Variants in STK33 observed in about 807,000 individuals in gnomAD.
STK33 encodes serine/threonine-protein kinase 33.
In STK33, 52 loss-of-function variants were observed where a neutral mutation model predicts 58.0. The ratio of observed to expected loss-of-function variants is 0.90; its 90% CI spans 0.72 to 1.13. The LOEUF (loss-of-function observed/expected upper bound fraction) is 1.13, where lower values mean the gene tolerates loss of function less well. STK33 is among the 50% of genes most tolerant of loss of function. STK33 has a pLI of 0.00. For synonymous variants in STK33, 215 were observed against 200.1 expected, an observed-to-expected ratio of 1.07 and a Z score of -0.63; for missense variants, 630 against 604.2, an observed-to-expected ratio of 1.04 and a Z score of -0.45.
At chr11:8,404,997 G>A (rs1438903806) in intron 15 of STK33, among the ~76,000 whole-genome samples, 1 of 152,114 alleles carries the variant, frequency 6.6e-6, no homozygotes, top group Non-Finnish European at 1.5e-5. Context: ...AAAATTAGCT[G>A]GGTGTGGTGG....
Position 8,418,073 on chromosome 11 carries a change from T to C in STK33, c.1147-4381A>G, listed in dbSNP as rs1941381192. The stretch of plus-strand genomic sequence containing the variant: ...AAATAGTTTATAGTTTGGGATATAA[T>C]GCTGGCTTTTCATTTTTTTTTTAAT... On this transcript the variant is annotated intron_variant, in intron 14 of 15. Transcript: ENST00000687296. Among the ~76,000 whole-genome samples, 5 of 151,920 alleles carry C rather than the reference T, an allele frequency of 3.3e-5. No homozygotes were observed. The South Asian group carries it at 6.3e-4, about 19-fold the overall frequency.
rs1243597085 is a variant in STK33 at position 8,461,826 on chromosome 11, T to C, written c.537A>G (p.Glu179=). Residue 179 remains glutamate (E), a synonymous_variant, in exon 8 of 16, where the codon GAA becomes GAG. Coordinates refer to ENST00000687296, the MANE Select transcript of STK33 (RefSeq NM_001352389.2). Reference sequence around the variant, plus strand: ...TTACCTTTGGCGTTTCAAATACTTGTTCCAGATGTATGATGTGTTCATGTT... The same window carrying C: ...TTACCTTTGGCGTTTCAAATACTTGCTCCAGATGTATGATGTGTTCATGTT... The part of the protein sequence containing the change: ...SVKHEHIIHL[E]QVFETPKKMY... 6.3e-7 allele frequency: 1 copy of C among 1,594,894 alleles called. No individual in the cohort carries two copies. Among genetic ancestry groups the C allele is most frequent in the Admixed American group, 1.8e-5 (1 of 55,838 alleles).
chr11:8,420,158 G>C (rs1401062374), intron 14 of STK33, among the ~76,000 whole-genome samples: 1 of 151,988 alleles, frequency 6.6e-6, no homozygotes, highest in African/African-American at 2.4e-5. Context: ...GTAAATTATA[G>C]TAAGAAAAGA....
chr11:8,345,115 C>A, the STK33 span, among the ~76,000 whole-genome samples: 1 of 152,150 alleles, frequency 6.6e-6, no homozygotes, highest in Non-Finnish European at 1.5e-5. Context: ...ATGCTTGGCC[C>A]CAGAGAAGAA....
At chr11:8,512,856 T>C (rs1952449904) in intron 1 of STK33, among the ~76,000 whole-genome samples, 1 of 152,182 alleles carries the variant, frequency 6.6e-6, no homozygotes, top group African/African-American at 2.4e-5. Context: ...CCTAGTTCCC[T>C]GCTCTTCTTT....
chr11:8,409,117 G>C (rs1464026846), intron 15 of STK33, among the ~76,000 whole-genome samples: 1 of 152,198 alleles, frequency 6.6e-6, no homozygotes, highest in Non-Finnish European at 1.5e-5. Context: ...TTGAAGGATA[G>C]CAGTTGAGGC....
intron 11 of STK33, among the ~76,000 whole-genome samples, chr11:8,447,788 A>G (rs963146046): frequency 5.9e-5 from 9 of 152,138 alleles, no homozygotes; most frequent in African/African-American, 9.6e-5. Flanking sequence ...TCTGGCCAGG[A>G]CAATCAGGCA....
chr11:8,458,413 T>A, intron 8 of STK33, among the ~76,000 whole-genome samples: 1 of 126,596 alleles, frequency 7.9e-6, no homozygotes. Context: ...ACTTAGCTTA[T>A]GGGCCATTAA....
intron 1 of STK33, among the ~76,000 whole-genome samples, chr11:8,519,003 T>C (rs1265122259): frequency 1.3e-5 from 2 of 152,210 alleles, no homozygotes; most frequent in African/African-American, 4.8e-5. Flanking sequence ...AATAGACATC[T>C]ACAGAACTCT....
At position 8,475,011 on chromosome 11, in the gene STK33, G is replaced by A. The variant is rs560854057; in HGVS notation, c.-106C>T. On this transcript the variant is annotated 5_prime_UTR_variant, in exon 5 of 16. Coordinates refer to ENST00000687296, the MANE Select transcript of STK33 (RefSeq NM_001352389.2). ...AGTTGATGGTGAAAACTGTAATTTC[G>A]AACTGGTGAAGTCCTCAGGTTAAGG... The A allele has an allele frequency of 4.9e-5, 51 of 1,049,728 alleles. No homozygotes were observed. Among genetic ancestry groups the A allele is most frequent in the Middle Eastern group, 6.2e-4 (2 of 3,204 alleles). The allele number at this position is 1,049,728 out of a possible 1,614,324, so 65.0% of individuals were successfully genotyped here.
the STK33 span, among the ~76,000 whole-genome samples, chr11:8,339,767 C>T: frequency 3.3e-5 from 5 of 152,252 alleles, no homozygotes; most frequent in East Asian, 1.9e-4. Context: ...ACTAAAGCTT[C>T]CGCAGCCACC....
intron 14 of STK33, among the ~76,000 whole-genome samples, chr11:8,422,997 T>G (rs1035886088): frequency 6.7e-6 from 1 of 150,204 alleles, no homozygotes; most frequent in East Asian, 2.0e-4. Flanking sequence ...TGGGCCACCA[T>G]GCCCGGCTGA....
intron 1 of STK33, chr11:8,555,044 T>C (rs1956636461): frequency 6.6e-6 from 1 of 152,070 alleles, no homozygotes; most frequent in East Asian, 1.9e-4. Context: ...CTGTAGGGGA[T>C]CTTTTTTCTC....
intron 14 of STK33, among the ~76,000 whole-genome samples, chr11:8,425,888 G>T (rs2136021418): frequency 6.6e-6 from 1 of 152,238 alleles, no homozygotes; most frequent in Admixed American, 6.5e-5. Flanking sequence ...CCTCTAGAGG[G>T]AGGATGCAGA....
At chr11:8,392,753 T>C (rs1204028546) in intron 15 of STK33, 43 bp from the exon 16 acceptor site, 1 of 1,597,158 alleles carries the variant, frequency 6.3e-7, no homozygotes, top group African/African-American at 1.3e-5. Flanking sequence ...CACAAAGCAA[T>C]GCACATCAAT....
intron 1 of STK33, among the ~76,000 whole-genome samples, chr11:8,552,045 G>C (rs72853484): frequency 0.011 from 1,648 of 152,276 alleles, 14 homozygotes; most frequent in Middle Eastern, 0.041. Context: ...AACCCTCCTG[G>C]TGTTCCCCAT....
intron 1 of STK33, among the ~76,000 whole-genome samples, chr11:8,545,867 T>C (rs989113177): frequency 3.3e-5 from 5 of 152,284 alleles, no homozygotes; most frequent in South Asian, 2.1e-4. Context: ...AACTGTGTCA[T>C]TGGGTAATTT....
chr11:8,466,406 C>CCAA (rs1948187357), intron 6 of STK33: 2 of 152,196 alleles, frequency 1.3e-5, no homozygotes, highest in Non-Finnish European at 2.9e-5. Flanking sequence ...AACAAAAAGG[C>CCAA]TACAGGCCCA....
At chr11:8,440,343 G>A (rs1344123933) in intron 12 of STK33, among the ~76,000 whole-genome samples, 4 of 152,124 alleles carry the variant, frequency 2.6e-5, no homozygotes, top group African/African-American at 9.7e-5. Context: ...CACCTGATAA[G>A]CTATAAGTGA....
Sources: allele counts gnomAD v4.1 joint callset (sites outside exome capture counted in the v4.1 genomes callset), GRCh38; gene constraint gnomAD v4.1.1; transcripts MANE v1.5; gene names NCBI Gene and HGNC (gene_info 2026-07-23, HGNC 2026-07-21).